CLPS: variants seen among roughly 807,000 people sequenced by gnomAD.
The protein encoded by CLPS is colipase, pancreatic.
Under a neutral mutation model 9.3 loss-of-function variants are expected in CLPS, and 8 were observed. That is an observed-to-expected ratio of 0.86 (90% CI 0.51 to 1.56). The LOEUF is 1.56. CLPS is among the 40% of genes most tolerant of loss of function. CLPS has a pLI of 0.00. For missense variants in CLPS, 144 were observed against 145.7 expected (o/e 0.99, Z 0.06); for synonymous variants, 61 against 56.2 (o/e 1.09, Z -0.39).
In CLPS at chr6:35,795,279, T is replaced by C. The variant is rs776281625; in HGVS notation, c.208-2A>G. Reference sequence around the variant, plus strand: ...CTTGTAGTAAATCCCATAGAGCGTCTGCAGAGACACAGCCAATGGAGTCAA... The same window carrying C: ...CTTGTAGTAAATCCCATAGAGCGTCCGCAGAGACACAGCCAATGGAGTCAA... On this transcript the variant is annotated splice_acceptor_variant, in intron 2 of 2. Coordinates refer to ENST00000259938, the MANE Select transcript of CLPS (RefSeq NM_001832.4). LOFTEE classifies it high-confidence loss of function. 1.5e-5 allele frequency: 24 copies of C among 1,613,614 alleles called. No individual in the cohort carries two copies. Among genetic ancestry groups the C allele is most frequent in the Non-Finnish European group, 1.9e-5 (23 of 1,179,796 alleles).
intron 2 of CLPS, 127 bp downstream of exon 2, chr6:35,795,604 G>A (rs1200569167): frequency 1.2e-5 from 17 of 1,462,896 alleles, no homozygotes; most frequent in Admixed American, 1.9e-5. Flanking sequence ...TTTGACACCT[G>A]TCGACCTCCC....
intron 1 of CLPS, chr6:35,796,772 A>G (rs1460237296): frequency 2.2e-6 from 1 of 451,498 alleles, no homozygotes; most frequent in Non-Finnish European, 4.4e-6. Context: ...TATTTCTACT[A>G]AAAATACAAA....
At chr6:35,795,368 G>A in intron 2 of CLPS, 91 bp from the exon 3 acceptor site, 3 of 1,538,622 alleles carry the variant, frequency 1.9e-6, no homozygotes, top group Non-Finnish European at 8.8e-7. Flanking sequence ...CAGTAGGCCA[G>A]CCTGTGTTTT....
rs780396671 is a variant in CLPS, at chr6:35,795,159, C to T, written c.326G>A (p.Arg109His). ...GGGTGGGCAGTCTCACTGCTTGGAGCGTCCAGCGTCATGGCAGATGCCAAA... is the reference window on the plus strand; with the variant it reads ...GGGTGGGCAGTCTCACTGCTTGGAGTGTCCAGCGTCATGGCAGATGCCAAA... ...TNFGICHDAG[R>H]SKQ Residue 109 changes from arginine (R) to histidine (H), a missense_variant, in exon 3 of 3, where the codon CGC becomes CAC. Arg to His is a conservative substitution (Grantham distance 29). Transcript: ENST00000259938. 5.1e-5 allele frequency: 83 copies of T among 1,613,624 alleles called. No homozygotes were observed. Among genetic ancestry groups the T allele is most frequent in the East Asian group, 1.6e-4 (7 of 44,900 alleles).
At chr6:35,795,975 T>G in intron 1 of CLPS, 122 bp from the exon 2 acceptor site, 1 of 1,482,210 alleles carries the variant, frequency 6.7e-7, no homozygotes, top group Non-Finnish European at 9.2e-7. Context: ...TGTGAAGGAG[T>G]CCATCCCCTG....
Position 35,796,795 on chromosome 6 carries a change from G to A in CLPS, c.84+410C>T, listed in dbSNP as rs987743767. The A allele has an allele frequency of 4.4e-5, 20 of 455,396 alleles. No homozygotes were observed. The Middle Eastern group carries it at 2.1e-3, about 47-fold the overall frequency. 28.2% of individuals were successfully genotyped at this position (455,396 alleles called of 1,614,324 possible). On this transcript the variant is annotated intron_variant, in intron 1 of 2. Coordinates refer to ENST00000259938, the MANE Select transcript of CLPS (RefSeq NM_001832.4). ...CTAAAAATACAAAAAATAGCTGAGC[G>A]TTATGGCAGGCACCTGTAATCCCAG...
chr6:35,795,827 A>G lies in CLPS; in HGVS notation c.111T>C (p.Ser37=). ...GGCAGCAATTGCTCTTACACTGGGC[A>G]CTATTCATGCAGAGCTCACCGTTCT... ...NLENGELCMN[S]AQCKSNCCQH... The change falls in exon 2 of 3, where the codon AGT becomes AGC. Residue 37 remains serine (S), a synonymous_variant. Transcript: ENST00000259938. The G allele has an allele frequency of 6.2e-7, 1 of 1,613,154 alleles. No individual in the cohort carries two copies. Among genetic ancestry groups the G allele is most frequent in the Non-Finnish European group, 8.5e-7 (1 of 1,180,024 alleles).
At chr6:35,795,688 C>T (rs1335663034) in intron 2 of CLPS, 43 bp downstream of exon 2, 3 of 1,605,318 alleles carry the variant, frequency 1.9e-6, no homozygotes, top group Non-Finnish European at 2.5e-6. Flanking sequence ...CAGGGCCCTA[C>T]TCCCCATTCT....
intron 1 of CLPS, chr6:35,796,793 G>C: frequency 2.3e-6 from 1 of 439,844 alleles, no homozygotes; most frequent in Non-Finnish European, 4.5e-6. Flanking sequence ...AAATAGCTGA[G>C]CGTTATGGCA....
In CLPS at chr6:35,797,246, C is replaced by A. The variant is rs200244589; in HGVS notation, c.43G>T (p.Ala15Ser). ...LILLLVALSV[A>S]YAAPGPRGII... ...CCCCGGGGGCCAGGAGCTGCATAGG[C>A]CACAGAGAGGGCGACAAGCAGGAGG... Residue 15 changes from alanine (A) to serine (S), a missense_variant, in exon 1 of 3, where the codon GCC (alanine) becomes TCC (serine). Physicochemically the swap from Ala to Ser is moderately conservative, Grantham distance 99. Coordinates refer to ENST00000259938, the MANE Select transcript of CLPS (RefSeq NM_001832.4). 7 of 1,614,114 alleles carry A rather than the reference C, an allele frequency of 4.3e-6. No individual in the cohort carries two copies. In the East Asian group the frequency reaches 1.3e-4, roughly 31 times the overall value.
intron 1 of CLPS, chr6:35,796,783 A>G (rs542743277): frequency 1.0e-4 from 46 of 453,116 alleles, no homozygotes; most frequent in African/African-American, 8.0e-4. Flanking sequence ...AAAATACAAA[A>G]AATAGCTGAG....
chr6:35,795,706 C>T (rs1282308879), intron 2 of CLPS, 25 bp downstream of exon 2: 2 of 1,609,330 alleles, frequency 1.2e-6, no homozygotes, highest in East Asian at 2.2e-5. Flanking sequence ...TCTCCCCCAC[C>T]CACGCCAAGT....
intron 1 of CLPS, among the ~76,000 whole-genome samples, chr6:35,796,213 T>A (rs558194581): frequency 5.9e-5 from 9 of 152,380 alleles, no homozygotes; most frequent in African/African-American, 1.9e-4. Context: ...GTCCCACACC[T>A]CTTTAAGGAG....
At chr6:35,795,927 A>C in intron 1 of CLPS, 74 bp from the exon 2 acceptor site, 2 of 1,583,768 alleles carry the variant, frequency 1.3e-6, no homozygotes, top group Non-Finnish European at 1.7e-6. Context: ...TACCCACCAC[A>C]CACTACCACT....
chr6:35,796,252 C>G (rs561655762), intron 1 of CLPS, among the ~76,000 whole-genome samples: 46 of 152,388 alleles, frequency 3.0e-4, no homozygotes, highest in Non-Finnish European at 5.4e-4. Flanking sequence ...CCCTGCAAGA[C>G]TCCTTCCTCC....
At chr6:35,796,079 C>A (rs1379151644) in intron 1 of CLPS, among the ~76,000 whole-genome samples, 3 of 152,266 alleles carry the variant, frequency 2.0e-5, no homozygotes, top group Non-Finnish European at 2.9e-5. Flanking sequence ...CCCCTGGGTT[C>A]TAGTACCGGC....
In CLPS at chr6:35,795,718, C is replaced by T. The variant is rs757585530; in HGVS notation, c.207+13G>A. On this transcript the variant is annotated intron_variant, in intron 2 of 2. Transcript: ENST00000259938. ...CATTCTCCCCCACCCACGCCAAGTC[C>T]TCAGGCACCCACCTTGACAGAGCAC... is the stretch of plus-strand genomic sequence containing the variant. 1 of 1,610,602 alleles carries T rather than the reference C, an allele frequency of 6.2e-7. No individual in the cohort carries two copies. The highest frequency in any genetic ancestry group is 8.5e-7 in the Non-Finnish European group (1 of 1,179,614).
At chr6:35,796,947 GA>G (rs146242201) in intron 1 of CLPS, 17 of 498,696 alleles carry the variant, frequency 3.4e-5, no homozygotes, top group Admixed American at 6.8e-5. Context: ...AGAAAAAAAA[GA>G]AAAAAAAGGT....
chr6:35,795,883 C>G (rs747566036), intron 1 of CLPS, 30 bp from the exon 2 acceptor site: 2 of 1,610,138 alleles, frequency 1.2e-6, no homozygotes, highest in Non-Finnish European at 1.7e-6. Context: ...AGCCCAGGCC[C>G]CACTCCCTCA....
Sources: gnomAD v4.1 joint callset for allele counts (sites outside exome capture counted in the v4.1 genomes callset) on GRCh38, gnomAD v4.1.1 for gene constraint, MANE v1.5 for transcripts, NCBI Gene and HGNC (gene_info 2026-07-23, HGNC 2026-07-21) for gene names.